The following CNTN4 variants were observed in gnomAD, a reference collection of about 807,000 sequenced individuals.
The protein encoded by CNTN4 is contactin 4.
CNTN4 carries 77 observed loss-of-function variants against 122.5 expected under a neutral mutation model. That is an observed-to-expected ratio of 0.63 (90% confidence interval 0.52 to 0.76). The LOEUF (loss-of-function observed/expected upper bound fraction) is 0.76, where lower values mean the gene tolerates loss of function less well. CNTN4 is among the 30% of genes least tolerant of loss of function. CNTN4 has a pLI of 0.00. For missense variants in CNTN4, 1,256 were observed against 1,259.1 expected, an observed-to-expected ratio of 1.00 and a Z score of 0.04; for synonymous variants, 512 against 447.0, an observed-to-expected ratio of 1.15 and a Z score of -1.83.
At chr3:2,132,481 C>T (rs1321199903) in intron 2 of CNTN4, 1 of 152,138 alleles carries the variant, frequency 6.6e-6, no homozygotes, top group Non-Finnish European at 1.5e-5. Context: ...GTGTTATATT[C>T]CTCAAATGAA....
Position 2,746,453 on chromosome 3 carries a change from A to G in CNTN4, c.358+756A>G, listed in dbSNP as rs1437815611. Among the ~76,000 whole-genome samples, 4 of 152,244 alleles carry G rather than the reference A, an allele frequency of 2.6e-5. No homozygotes were observed. The East Asian group carries it at 7.7e-4, about 29-fold the overall frequency. ...AAATCACAATTTGAAAATAAAATCCATAGGCAAGAGCAATTAGCATACATT... is the reference window on the plus strand; with the variant it reads ...AAATCACAATTTGAAAATAAAATCCGTAGGCAAGAGCAATTAGCATACATT... On this transcript the variant is annotated intron_variant, in intron 6 of 24. Transcript: ENST00000418658.
chr3:2,839,400 T>A (rs1413891502), intron 7 of CNTN4, among the ~76,000 whole-genome samples: 1 of 151,794 alleles, frequency 6.6e-6, no homozygotes, highest in Non-Finnish European at 1.5e-5. Context: ...AATGGCAAGT[T>A]TTTTGCTTTT....
At chr3:2,986,089 G>A (rs1394302348) in intron 13 of CNTN4, among the ~76,000 whole-genome samples, 1 of 151,590 alleles carries the variant, frequency 6.6e-6, no homozygotes, top group Non-Finnish European at 1.5e-5. Flanking sequence ...TAATTTTTGT[G>A]TTTTTTGTAG....
chr3:2,526,365 A>G (rs1000345249), intron 3 of CNTN4, among the ~76,000 whole-genome samples: 1 of 152,188 alleles, frequency 6.6e-6, no homozygotes, highest in Non-Finnish European at 1.5e-5. Flanking sequence ...TTAAAGGACA[A>G]ATTCTTCCCT....
chr3:2,426,474 T>C (rs2047837623), intron 3 of CNTN4, among the ~76,000 whole-genome samples: 1 of 152,224 alleles, frequency 6.6e-6, no homozygotes, highest in African/African-American at 2.4e-5. Context: ...GGTTTGCCAG[T>C]ATTTTAATGA....
chr3:2,895,809 C>T lies in CNTN4; in HGVS notation c.941-4876C>T, dbSNP rs56088573. Among the ~76,000 whole-genome samples the T allele has an allele frequency of 5.1e-3, 774 of 152,176 alleles. 5 individuals are homozygous for T. Among genetic ancestry groups the T allele is most frequent in the Non-Finnish European group, 6.6e-3 (452 of 67,980 alleles). ...CAGCACTTTGGGAGGCCGAGGCGGG[C>T]GGATCACAAGGTCAGGAGATCGAGA... On this transcript the variant is annotated intron_variant, in intron 10 of 24. Coordinates refer to ENST00000418658, the MANE Select transcript of CNTN4 (RefSeq NM_175607.3).
chr3:2,144,844 G>C (rs1191103186), intron 2 of CNTN4, among the ~76,000 whole-genome samples: 1 of 152,208 alleles, frequency 6.6e-6, no homozygotes, highest in Non-Finnish European at 1.5e-5. Flanking sequence ...AATTTCTCAG[G>C]AGGGATTTCT....
At chr3:2,707,909 T>TA (rs1203189947) in intron 4 of CNTN4, among the ~76,000 whole-genome samples, 1 of 152,218 alleles carries the variant, frequency 6.6e-6, no homozygotes, top group Non-Finnish European at 1.5e-5. Context: ...AGCTATAATT[T>TA]AAGCTAATGA....
At chr3:2,263,738 G>C (rs1461473277) in intron 2 of CNTN4, among the ~76,000 whole-genome samples, 1 of 151,280 alleles carries the variant, frequency 6.6e-6, no homozygotes, top group Admixed American at 6.6e-5. Context: ...TCTTCTATCT[G>C]ACTATATTTT....
intron 3 of CNTN4, among the ~76,000 whole-genome samples, chr3:2,545,696 T>G (rs2078215609): frequency 1.3e-5 from 2 of 152,080 alleles, no homozygotes; most frequent in South Asian, 2.1e-4. Context: ...CTTCTCCTTT[T>G]TTTTCTGTTT....
At chr3:2,200,844 GAGAAGC>G (rs1275881561) in intron 2 of CNTN4, among the ~76,000 whole-genome samples, 10 of 152,182 alleles carry the variant, frequency 6.6e-5, no homozygotes, top group Admixed American at 6.6e-4. Flanking sequence ...TGCTTCAGTA[GAGAAGC>G]AGAGAAGAAT....
chr3:2,344,826 G>A (rs1197098679), intron 3 of CNTN4, among the ~76,000 whole-genome samples: 1 of 152,154 alleles, frequency 6.6e-6, no homozygotes, highest in African/African-American at 2.4e-5. Context: ...GTATTATTTG[G>A]TTGTAAATAT....
intron 4 of CNTN4, among the ~76,000 whole-genome samples, chr3:2,705,863 A>T (rs1465297872): frequency 8.3e-5 from 7 of 84,672 alleles, no homozygotes; most frequent in Non-Finnish European, 1.2e-4. Context: ...ATATGTGTTT[A>T]TATATAATAT....
chr3:2,470,171 G>A (rs927212298), intron 3 of CNTN4, among the ~76,000 whole-genome samples: 2 of 151,892 alleles, frequency 1.3e-5, no homozygotes, highest in African/African-American at 4.8e-5. Context: ...GTTCAAGCGA[G>A]GTTCAAGCAA....
At chr3:2,356,617 C>G (rs1281922457) in intron 3 of CNTN4, among the ~76,000 whole-genome samples, 2 of 152,184 alleles carry the variant, frequency 1.3e-5, no homozygotes, top group African/African-American at 4.8e-5. Context: ...TCTTTCTGAC[C>G]TGTATCTTAT....
At chr3:2,808,951 A>T (rs1554201) in intron 6 of CNTN4, among the ~76,000 whole-genome samples, 1 of 152,266 alleles carries the variant, frequency 6.6e-6, no homozygotes, top group South Asian at 2.1e-4. Flanking sequence ...AGGTCTCACC[A>T]ACCACCACAG....
chr3:2,423,200 T>TG lies in CNTN4; in HGVS notation c.-89+83968dup, dbSNP rs537489046. On this transcript the variant is annotated intron_variant, in intron 3 of 24. Transcript: ENST00000418658. ...CCCTCTGGAAAGCCTCACAAGTTGT[T>TG]GCCTTTCTTTCTTTATTTTTTCCAA... is the stretch of plus-strand genomic sequence containing the variant. Among the ~76,000 whole-genome samples the TG allele has an allele frequency of 3.9e-5, 6 of 152,336 alleles. No homozygotes were observed. In the East Asian group the frequency reaches 1.2e-3, roughly 29 times the overall value.
intron 4 of CNTN4, chr3:2,735,955 T>A (rs905024614): frequency 3.4e-6 from 2 of 587,326 alleles, no homozygotes; most frequent in African/African-American, 1.8e-5. Flanking sequence ...AAGGGAGACG[T>A]CAAGCAGCCT....
intron 4 of CNTN4, among the ~76,000 whole-genome samples, chr3:2,587,317 TG>T (rs2080246595): frequency 6.6e-6 from 1 of 152,224 alleles, no homozygotes; most frequent in African/African-American, 2.4e-5. Context: ...AAGTATTGTT[TG>T]TTAGGGTCAA....
Sources: gnomAD v4.1 joint callset for allele counts (sites outside exome capture counted in the v4.1 genomes callset) on GRCh38, gnomAD v4.1.1 for gene constraint, MANE v1.5 for transcripts, NCBI Gene and HGNC (gene_info 2026-07-23, HGNC 2026-07-21) for gene names.